PEPD: variants seen among roughly 807,000 people sequenced by gnomAD.
PEPD encodes peptidase D, also known as xaa-Pro dipeptidase.
PEPD carries 53 observed loss-of-function variants against 60.7 expected under a neutral mutation model. The observed-to-expected ratio is 0.87, with a 90% CI of 0.70 to 1.10. The LOEUF (loss-of-function observed/expected upper bound fraction) is 1.10. Ranked by LOEUF, PEPD falls within the 50% of genes least tolerant of loss-of-function variation. The pLI is 0.00. For synonymous variants in PEPD, 267 were observed against 284.1 expected, an observed-to-expected ratio of 0.94 and a Z score of 0.60; for missense variants, 711 against 711.9, an observed-to-expected ratio of 1.00 and a Z score of 0.01.
At chr19:33,412,541 G>A (rs1274232911) in intron 10 of PEPD, among the ~76,000 whole-genome samples, 1 of 152,178 alleles carries the variant, frequency 6.6e-6, no homozygotes, top group Admixed American at 6.5e-5. Context: ...TCCTCTGCCT[G>A]AGAAGGCTTC....
chr19:33,434,554 C>T (rs769485466), intron 9 of PEPD, among the ~76,000 whole-genome samples: 3 of 151,922 alleles, frequency 2.0e-5, no homozygotes, highest in Non-Finnish European at 4.4e-5. Context: ...GCAGGGCAGG[C>T]GGGAATGGGG....
At chr19:33,498,337 C>A (rs2145331136) in intron 4 of PEPD, among the ~76,000 whole-genome samples, 1 of 152,294 alleles carries the variant, frequency 6.6e-6, no homozygotes, top group South Asian at 2.1e-4. Flanking sequence ...GAAGAATGAG[C>A]CGGTCTCTGT....
chr19:33,387,840 T>A, intron 14 of PEPD, 50 bp downstream of exon 14: 2 of 1,413,274 alleles, frequency 1.4e-6, no homozygotes, highest in Non-Finnish European at 2.0e-6. Flanking sequence ...GCAGCTGCAG[T>A]GGAGGTGGCA....
At chr19:33,465,916 T>TA in intron 7 of PEPD, among the ~76,000 whole-genome samples, 1 of 152,144 alleles carries the variant, frequency 6.6e-6, no homozygotes, top group South Asian at 2.1e-4. Flanking sequence ...GGGAAGTACT[T>TA]AAGGATGTAC....
chr19:33,404,408 G>A (rs12980755), intron 11 of PEPD, among the ~76,000 whole-genome samples: 23,887 of 152,114 alleles, frequency 0.16, 2,439 homozygotes, highest in Admixed American at 0.27. Flanking sequence ...AAGTCCTACC[G>A]GACTGTGCTG....
At chr19:33,485,902 G>A (rs911956856) in intron 6 of PEPD, among the ~76,000 whole-genome samples, 3 of 145,456 alleles carry the variant, frequency 2.1e-5, no homozygotes, top group African/African-American at 7.9e-5. Flanking sequence ...CCGGCCCAGG[G>A]CTCCTGGGTA....
intron 11 of PEPD, among the ~76,000 whole-genome samples, chr19:33,407,645 G>A (rs1968661934): frequency 6.6e-6 from 1 of 152,200 alleles, no homozygotes; most frequent in Non-Finnish European, 1.5e-5. Context: ...GTTCTTGAAG[G>A]TCTGCCTGAG....
chr19:33,491,889 T>C lies in PEPD; in HGVS notation c.441+1401A>G, dbSNP rs1970506202. On this transcript the variant is annotated intron_variant, in intron 5 of 14. Transcript: ENST00000244137. ...GTGGGAGCTAAAAACATAAAGTATA[T>C]TGATTTCTTTATTACAGCTAGCAGA... 3.3e-5 allele frequency among the ~76,000 whole-genome samples: 5 copies of C among 152,276 alleles called. No homozygotes were observed. In the South Asian group the frequency reaches 1.0e-3, roughly 32 times the overall value.
intron 9 of PEPD, among the ~76,000 whole-genome samples, chr19:33,417,156 C>A (rs1032332307): frequency 6.6e-6 from 1 of 152,372 alleles, no homozygotes; most frequent in Admixed American, 6.5e-5. Context: ...AAGCTATGTG[C>A]CTCGAGCATG....
chr19:33,416,168 C>T (rs563644477), intron 9 of PEPD, among the ~76,000 whole-genome samples: 2 of 152,286 alleles, frequency 1.3e-5, no homozygotes, highest in South Asian at 2.1e-4. Context: ...CAACGTGTGC[C>T]CCCGCACAGC....
intron 9 of PEPD, among the ~76,000 whole-genome samples, chr19:33,443,843 T>G (rs1600119554): frequency 6.6e-6 from 1 of 151,786 alleles, no homozygotes. Context: ...GAGTGTGTAA[T>G]GGGTGTACAT....
intron 1 of PEPD, among the ~76,000 whole-genome samples, chr19:33,513,944 A>AGCCTCTGCAGAAATGCCCCTTTCC (rs57039126): frequency 1.4e-5 from 2 of 140,484 alleles, no homozygotes; most frequent in Admixed American, 7.0e-5. Flanking sequence ...TACCCACCCC[A>AGCCTCTGCAGAAATGCCCCTTTCC]TCCCCCAGCT....
chr19:33,506,322 C>G (rs888844967), intron 3 of PEPD, among the ~76,000 whole-genome samples: 3 of 146,092 alleles, frequency 2.1e-5, no homozygotes, highest in African/African-American at 7.6e-5. Flanking sequence ...ACCCTACACA[C>G]TACACACACA....
At chr19:33,445,872 T>G (rs1249960521) in intron 9 of PEPD, among the ~76,000 whole-genome samples, 1 of 152,118 alleles carries the variant, frequency 6.6e-6, no homozygotes, top group East Asian at 1.9e-4. Context: ...GATGAGTCCC[T>G]TCCCCCAAGC....
intron 12 of PEPD, among the ~76,000 whole-genome samples, chr19:33,393,518 A>ACAGCCCCACCTGAC (rs1214254882): frequency 6.9e-6 from 1 of 145,842 alleles, no homozygotes; most frequent in East Asian, 1.9e-4. Context: ...CGCTGGTCAA[A>ACAGCCCCACCTGAC]CAGCCCCACC....
chr19:33,451,635 C>T (rs569003904), intron 9 of PEPD, among the ~76,000 whole-genome samples: 2 of 152,286 alleles, frequency 1.3e-5, no homozygotes, highest in Admixed American at 1.3e-4. Context: ...GGAGGCTCTC[C>T]ATTTGAACAA....
chr19:33,431,870 G>A (rs1969280448), intron 9 of PEPD, among the ~76,000 whole-genome samples: 1 of 151,806 alleles, frequency 6.6e-6, no homozygotes, highest in African/African-American at 2.4e-5. Flanking sequence ...GCAAATGCCT[G>A]TAATTCCAGC....
intron 1 of PEPD, 53 bp downstream of exon 1, chr19:33,521,688 ACAC>A: frequency 6.5e-7 from 1 of 1,540,538 alleles, no homozygotes; most frequent in Non-Finnish European, 8.8e-7. Context: ...TCCGGCCGGG[ACAC>A]CCATGCCCCT....
chr19:33,467,149 T>C, intron 7 of PEPD, among the ~76,000 whole-genome samples: 1 of 120,116 alleles, frequency 8.3e-6, no homozygotes, highest in African/African-American at 3.5e-5. Flanking sequence ...AGAGCAAGAC[T>C]CCGTCTCAAA....
Sources: gnomAD v4.1 joint callset for allele counts (sites outside exome capture counted in the v4.1 genomes callset) on GRCh38, gnomAD v4.1.1 for gene constraint, MANE v1.5 for transcripts, NCBI Gene and HGNC (gene_info 2026-07-23, HGNC 2026-07-21) for gene names.